Variants in NPR3 observed in about 807,000 individuals in gnomAD.
NPR3 encodes natriuretic peptide receptor 3.
NPR3 carries 34 observed loss-of-function variants against 54.5 expected under a neutral mutation model. The observed-to-expected ratio is 0.62, with a 90% confidence interval of 0.47 to 0.83. The LOEUF (loss-of-function observed/expected upper bound fraction) is 0.83. Among genes scored for constraint, NPR3 ranks in the 40% least tolerant of loss-of-function variants. The pLI is 0.00. For missense variants in NPR3, 674 were observed against 720.8 expected, an observed-to-expected ratio of 0.94 and a Z score of 0.74; for synonymous variants, 289 against 297.1, an observed-to-expected ratio of 0.97 and a Z score of 0.28.
intron 2 of NPR3, among the ~76,000 whole-genome samples, chr5:32,734,297 A>G (rs1253605874): frequency 5.3e-5 from 8 of 152,186 alleles, no homozygotes; most frequent in African/African-American, 1.9e-4. Flanking sequence ...AATGCTTAGC[A>G]TTCATTTTTT....
At chr5:32,773,995 G>C (rs551096788) in intron 3 of NPR3, among the ~76,000 whole-genome samples, 1 of 152,284 alleles carries the variant, frequency 6.6e-6, no homozygotes, top group South Asian at 2.1e-4. Context: ...GAGGGCAAGG[G>C]CTAGCTTACT....
Position 32,703,367 on chromosome 5 carries a change from G to C in NPR3, c.100+14181G>C, listed in dbSNP as rs143527210. On this transcript the variant is annotated intron_variant, in intron 1 of 5. Transcript: ENST00000509104. The stretch of plus-strand genomic sequence containing the variant: ...CCACTGTGGCTGAGCTGGCACTTAA[G>C]CTTTGAGACAAAGCCCCCTTTACTA... Among the ~76,000 whole-genome samples, 512 of 150,608 alleles carry C rather than the reference G, an allele frequency of 3.4e-3. 2 individuals carry two copies. Among genetic ancestry groups the C allele is most frequent in the African/African-American group, 0.011 (467 of 40,980 alleles).
chr5:32,775,761 C>A (rs1419338384), intron 4 of NPR3, among the ~76,000 whole-genome samples: 1 of 152,048 alleles, frequency 6.6e-6, no homozygotes, highest in Non-Finnish European at 1.5e-5. Flanking sequence ...TCACGCCTGG[C>A]TAATTTTTGT....
intron 2 of NPR3, among the ~76,000 whole-genome samples, chr5:32,729,017 TTTTTTTTTTTTTGTTTTG>T (rs1329001952): frequency 9.5e-6 from 1 of 104,972 alleles, no homozygotes; most frequent in Non-Finnish European, 1.8e-5. Context: ...CCTGTGTGTT[TTTTTTTTTTTTTGTTTTG>T]TTTTTTTTTT....
Position 32,712,390 on chromosome 5 carries a change from GCGA to G in NPR3, c.619_621del (p.Asp207del). On this transcript the variant is annotated inframe_deletion, in exon 1 of 8. Transcript: ENST00000265074. Reference sequence around the variant, plus strand: ...TGGAGCCGCGCTGCACTGGTCTACAGCGACGACAAGCTGGAGCGGAACTGCTAC... The same window carrying G: ...TGGAGCCGCGCTGCACTGGTCTACAGCGACAAGCTGGAGCGGAACTGCTAC... 1 of 1,613,418 alleles carries G rather than the reference GCGA, an allele frequency of 6.2e-7. No homozygotes were observed. Among genetic ancestry groups the G allele is most frequent in the Non-Finnish European group, 8.5e-7 (1 of 1,179,626 alleles).
chr5:32,720,562 C>T (rs1738800727), intron 1 of NPR3, among the ~76,000 whole-genome samples: 1 of 152,122 alleles, frequency 6.6e-6, no homozygotes, highest in South Asian at 2.1e-4. Flanking sequence ...TGGCATGGAA[C>T]ATTGAAAGTT....
intron 1 of NPR3, among the ~76,000 whole-genome samples, chr5:32,701,903 G>T (rs915887241): frequency 6.6e-6 from 1 of 152,212 alleles, no homozygotes. Flanking sequence ...GTGCTGAGCT[G>T]CCTGAAGCCA....
intron 4 of NPR3, among the ~76,000 whole-genome samples, chr5:32,775,906 C>T (rs906952653): frequency 6.6e-6 from 1 of 152,124 alleles, no homozygotes; most frequent in Non-Finnish European, 1.5e-5. Context: ...AAAAATGACC[C>T]ATTATCTCAT....
rs767016953 is a variant in NPR3 at position 32,784,790 on chromosome 5, T to G, written c.1427-6T>G. The G allele has an allele frequency of 6.2e-7, 1 of 1,611,952 alleles. No homozygotes were observed. The highest frequency in any genetic ancestry group is 8.5e-7 in the Non-Finnish European group (1 of 1,178,156). On this transcript the variant is annotated splice_polypyrimidine_tract_variant and splice_region_variant and intron_variant, in intron 6 of 7. Transcript: ENST00000265074. Reference sequence around the variant, plus strand: ...GAACCCTGATTATCCATGCTTCTTTTTCAAGCAGGTGGCCTAGAAGAATCG... The same window carrying G: ...GAACCCTGATTATCCATGCTTCTTTGTCAAGCAGGTGGCCTAGAAGAATCG...
At chr5:32,695,970 G>A (rs1740521920) in intron 1 of NPR3, among the ~76,000 whole-genome samples, 1 of 152,050 alleles carries the variant, frequency 6.6e-6, no homozygotes, top group South Asian at 2.1e-4. Flanking sequence ...CCATTTTACG[G>A]GCTGCCTTCA....
upstream of NPR3, among the ~76,000 whole-genome samples, chr5:32,708,038 GT>G (rs1738045298): frequency 6.7e-6 from 1 of 148,750 alleles, no homozygotes. Flanking sequence ...ACAAAACATG[GT>G]TTGTGGATAT....
intron 3 of NPR3, among the ~76,000 whole-genome samples, chr5:32,744,802 A>C (rs1009110048): frequency 5.3e-5 from 8 of 152,094 alleles, no homozygotes; most frequent in Non-Finnish European, 7.4e-5. Flanking sequence ...GCATCGCAGC[A>C]CACCTCTTGG....
At position 32,712,532 on chromosome 5, in the gene NPR3, G is replaced by A; in HGVS notation, c.756G>A (p.Gln252=). The A allele has an allele frequency of 6.6e-7, 1 of 1,524,600 alleles. No individual in the cohort carries two copies. Among genetic ancestry groups the A allele is most frequent in the Non-Finnish European group, 8.8e-7 (1 of 1,139,894 alleles). The allele number at this position is 1,524,600 out of a possible 1,614,324, so 94.4% of individuals were successfully genotyped here. ...LDLEDIVRNI[Q]ASERVVIMCA... ...TGGAAGACATCGTGCGCAATATCCA[G>A]GCCAGTGAGAGAGGTGAGCAGGGGC... Residue 252 remains glutamine (Q), a synonymous_variant, in exon 1 of 8, where the codon CAG becomes CAA. Coordinates refer to ENST00000265074, the MANE Select transcript of NPR3 (RefSeq NM_001204375.2).
chr5:32,705,709 G>A (rs965076292), upstream of NPR3, among the ~76,000 whole-genome samples: 16 of 151,958 alleles, frequency 1.1e-4, no homozygotes. Context: ...CAAATATTGG[G>A]GATTACAATT....
chr5:32,695,084 C>T (rs1209706939), intron 1 of NPR3, among the ~76,000 whole-genome samples: 1 of 152,272 alleles, frequency 6.6e-6, no homozygotes, highest in Non-Finnish European at 1.5e-5. Flanking sequence ...ATATTAACTA[C>T]ATTTTCTTTA....
chr5:32,760,362 G>GT (rs1207633016), intron 3 of NPR3, among the ~76,000 whole-genome samples: 1 of 152,104 alleles, frequency 6.6e-6, no homozygotes, highest in Non-Finnish European at 1.5e-5. Context: ...TTTACACTTG[G>GT]TGGTGTCAGG....
intron 2 of NPR3, among the ~76,000 whole-genome samples, chr5:32,727,595 A>G (rs1005426065): frequency 1.3e-5 from 2 of 151,926 alleles, no homozygotes; most frequent in African/African-American, 2.4e-5. Flanking sequence ...TCTCATTTAT[A>G]TTGTGCATTA....
intron 3 of NPR3, among the ~76,000 whole-genome samples, chr5:32,759,942 C>T (rs1037035957): frequency 1.3e-5 from 2 of 152,160 alleles, no homozygotes; most frequent in Non-Finnish European, 2.9e-5. Flanking sequence ...CCCCCACTCT[C>T]TTCTGGCTTG....
At chr5:32,710,244 G>A (rs1738139689), upstream of NPR3, 1 of 152,290 alleles carries the variant, frequency 6.6e-6, no homozygotes, top group South Asian at 2.1e-4. Context: ...TTGGAGTCGC[G>A]GAACCCCAGC....
Sources: gnomAD v4.1 joint callset for allele counts (sites outside exome capture counted in the v4.1 genomes callset) on GRCh38, gnomAD v4.1.1 for gene constraint, MANE v1.5 for transcripts, NCBI Gene and HGNC (gene_info 2026-07-23, HGNC 2026-07-21) for gene names.